Variants in VWC2L observed in about 807,000 individuals in gnomAD.
VWC2L encodes the protein von Willebrand factor C domain-containing protein 2-like.
Under a neutral mutation model 21.6 loss-of-function variants are expected in VWC2L, and 10 were observed. The ratio of observed to expected loss-of-function variants is 0.46; its 90% confidence interval spans 0.29 to 0.78. The LOEUF (loss-of-function observed/expected upper bound fraction) is 0.78. Ranked by LOEUF, VWC2L falls within the 30% of genes least tolerant of loss-of-function variation. The probability of loss-of-function intolerance (pLI) is 0.10; values close to 1 mark genes in which losing one functional copy is unlikely to be tolerated. For missense variants in VWC2L, 209 were observed against 277.1 expected (o/e 0.75, Z 1.74); for synonymous variants, 96 against 94.3 (o/e 1.02, Z -0.10).
chr2:214,504,344 G>A (rs1386255999), intron 3 of VWC2L, among the ~76,000 whole-genome samples: 1 of 152,206 alleles, frequency 6.6e-6, no homozygotes, highest in African/African-American at 2.4e-5. Context: ...GGACTAACAT[G>A]GATGGGCTGC....
intron 3 of VWC2L, chr2:214,534,094 A>G (rs1400611160): frequency 6.6e-6 from 1 of 152,508 alleles, no homozygotes; most frequent in African/African-American, 2.4e-5. Flanking sequence ...AGGGACATAC[A>G]TAGGGCCAAA....
chr2:214,529,859 G>T (rs12467482), intron 3 of VWC2L, among the ~76,000 whole-genome samples: 2,546 of 152,008 alleles, frequency 0.017, 74 homozygotes, highest in African/African-American at 0.057. Context: ...TCATGCTTAC[G>T]CTCATATACT....
intron 3 of VWC2L, among the ~76,000 whole-genome samples, chr2:214,501,507 A>C (rs1289264188): frequency 6.6e-6 from 1 of 152,068 alleles, no homozygotes; most frequent in Non-Finnish European, 1.5e-5. Context: ...GAATCGCCTG[A>C]GGTCAGGAGC....
intron 3 of VWC2L, among the ~76,000 whole-genome samples, chr2:214,546,117 G>A (rs1485161501): frequency 6.6e-6 from 1 of 152,122 alleles, no homozygotes; most frequent in Non-Finnish European, 1.5e-5. Flanking sequence ...GTATAAACAA[G>A]GGATGGGAGG....
chr2:214,444,889 TA>T (rs1443591149), intron 3 of VWC2L, among the ~76,000 whole-genome samples: 1 of 151,946 alleles, frequency 6.6e-6, no homozygotes, highest in Non-Finnish European at 1.5e-5. Flanking sequence ...ATTCTAAATC[TA>T]AAAAATCAAA....
chr2:214,449,188 G>A (rs530644423), intron 3 of VWC2L, among the ~76,000 whole-genome samples: 3 of 152,168 alleles, frequency 2.0e-5, no homozygotes, highest in African/African-American at 7.2e-5. Context: ...ATTGTAGAAG[G>A]GAAAGGGATT....
intron 3 of VWC2L, among the ~76,000 whole-genome samples, chr2:214,466,804 G>A (rs1227162153): frequency 1.3e-5 from 2 of 152,002 alleles, no homozygotes; most frequent in African/African-American, 4.8e-5. Context: ...TTTCTACTTA[G>A]GTTTTGTGAA....
intron 3 of VWC2L, among the ~76,000 whole-genome samples, chr2:214,446,551 T>C (rs1435279993): frequency 6.6e-6 from 1 of 152,204 alleles, no homozygotes; most frequent in Non-Finnish European, 1.5e-5. Context: ...CTGCTAATCA[T>C]ATCGCTTCTA....
At chr2:214,571,521 A>G (rs1690149068) in intron 3 of VWC2L, among the ~76,000 whole-genome samples, 1 of 152,190 alleles carries the variant, frequency 6.6e-6, no homozygotes, top group African/African-American at 2.4e-5. Context: ...ATAAAGCCTG[A>G]TTCCTAAGTT....
chr2:214,553,726 A>T (rs1172109431), intron 3 of VWC2L, among the ~76,000 whole-genome samples: 2 of 152,200 alleles, frequency 1.3e-5, no homozygotes, highest in African/African-American at 4.8e-5. Context: ...GTAGGAGAGT[A>T]AAATGAGGCA....
chr2:214,499,479 A>G (rs1688860481), intron 3 of VWC2L, among the ~76,000 whole-genome samples: 1 of 136,708 alleles, frequency 7.3e-6, no homozygotes, highest in Admixed American at 7.9e-5. Flanking sequence ...AGGAAGGGGA[A>G]CATCACACAC....
intron 3 of VWC2L, among the ~76,000 whole-genome samples, chr2:214,509,102 C>A (rs1439998172): frequency 6.6e-6 from 1 of 152,062 alleles, no homozygotes; most frequent in Non-Finnish European, 1.5e-5. Flanking sequence ...GATTCTGCTC[C>A]AGATGCACAC....
chr2:214,417,909 G>C (rs1160377465), intron 2 of VWC2L, among the ~76,000 whole-genome samples: 1 of 152,164 alleles, frequency 6.6e-6, no homozygotes, highest in Non-Finnish European at 1.5e-5. Flanking sequence ...AGGTGCACAA[G>C]CACAAAGACA....
intron 3 of VWC2L, among the ~76,000 whole-genome samples, chr2:214,523,007 A>G (rs4673853): frequency 0.53 from 80,015 of 152,056 alleles, 21,625 homozygotes; most frequent in East Asian, 0.73. Context: ...CATTTATACC[A>G]AAGTGGAAAT....
At chr2:214,456,684 T>C (rs1007136858) in intron 3 of VWC2L, among the ~76,000 whole-genome samples, 2 of 152,156 alleles carry the variant, frequency 1.3e-5, no homozygotes, top group African/African-American at 4.8e-5. Context: ...TCCCCTATGA[T>C]TTCTTCTACT....
intron 2 of VWC2L, among the ~76,000 whole-genome samples, chr2:214,418,723 T>G (rs1309626691): frequency 6.6e-6 from 1 of 152,220 alleles, no homozygotes; most frequent in African/African-American, 2.4e-5. Context: ...AAGTTAGAAT[T>G]TCTTTAGAAT....
intron 3 of VWC2L, among the ~76,000 whole-genome samples, chr2:214,495,144 A>G (rs1327425612): frequency 1.3e-5 from 2 of 152,252 alleles, no homozygotes; most frequent in South Asian, 2.1e-4. Context: ...ACTTCTCAAG[A>G]TTGGAAAACA....
chr2:214,485,676 C>T (rs1313181952), intron 3 of VWC2L, among the ~76,000 whole-genome samples: 2 of 152,126 alleles, frequency 1.3e-5, no homozygotes, highest in Non-Finnish European at 2.9e-5. Context: ...CTTTCTTCTT[C>T]CTCTGTGCTC....
At chr2:214,539,334 A>T (rs1689590948) in intron 3 of VWC2L, among the ~76,000 whole-genome samples, 1 of 152,180 alleles carries the variant, frequency 6.6e-6, no homozygotes, top group African/African-American at 2.4e-5. Context: ...AACACTTTTC[A>T]CGATTTCATT....
Sources: allele counts gnomAD v4.1 joint callset (sites outside exome capture counted in the v4.1 genomes callset), GRCh38; gene constraint gnomAD v4.1.1; transcripts MANE v1.5; gene names NCBI Gene and HGNC (gene_info 2026-07-23, HGNC 2026-07-21).